OR6N1: variants seen among roughly 807,000 people sequenced by gnomAD.
OR6N1 encodes the protein olfactory receptor family 6 subfamily N member 1.
For missense variants in OR6N1, 394 were observed against 371.7 expected (o/e 1.06, Z -0.49); for synonymous variants, 170 against 150.7 (o/e 1.13, Z -0.94).
the OR6N1 span, among the ~76,000 whole-genome samples, chr1:158,802,610 C>T: frequency 6.6e-6 from 1 of 152,108 alleles, no homozygotes; most frequent in Non-Finnish European, 1.5e-5. Context: ...CACCACATCA[C>T]CATATTATCA....
chr1:158,828,495 C>T, the OR6N1 span, among the ~76,000 whole-genome samples: 1 of 152,218 alleles, frequency 6.6e-6, no homozygotes, highest in Admixed American at 6.5e-5. Context: ...TCTCCTTTGA[C>T]TCTCTCTCAC....
chr1:158,796,877 A>AT, the OR6N1 span, among the ~76,000 whole-genome samples: 1 of 141,058 alleles, frequency 7.1e-6, no homozygotes, highest in South Asian at 2.3e-4. Context: ...TTTACAACTT[A>AT]CCTTTTTTTT....
At chr1:158,831,126 A>AGGAGTTT in the OR6N1 span, among the ~76,000 whole-genome samples, 1 of 152,210 alleles carries the variant, frequency 6.6e-6, no homozygotes, top group Non-Finnish European at 1.5e-5. Flanking sequence ...TAGCTTTATA[A>AGGAGTTT]GAAAGTTCTG....
At chr1:158,770,883 G>A (rs1159888917) in intron 1 of OR6N1, among the ~76,000 whole-genome samples, 1 of 152,132 alleles carries the variant, frequency 6.6e-6, no homozygotes, top group African/African-American at 2.4e-5. Flanking sequence ...TTTTTGAAAT[G>A]TTTTAGTTTA....
chr1:158,780,552 A>G, the OR6N1 span, among the ~76,000 whole-genome samples: 1 of 152,182 alleles, frequency 6.6e-6, no homozygotes, highest in Non-Finnish European at 1.5e-5. Flanking sequence ...AATATACCCA[A>G]ACATCATATG....
upstream of OR6N1, among the ~76,000 whole-genome samples, chr1:158,773,408 A>G (rs566883266): frequency 2.0e-5 from 3 of 152,286 alleles, no homozygotes; most frequent in South Asian, 4.2e-4. Context: ...TAAATTTTCC[A>G]CATCTGTCAG....
chr1:158,776,011 G>A (rs1291500598), upstream of OR6N1: 1 of 152,120 alleles, frequency 6.6e-6, no homozygotes, highest in Admixed American at 6.5e-5. Flanking sequence ...AATTTAAGAG[G>A]CCTTGTGATA....
At chr1:158,776,889 G>A (rs901674091), upstream of OR6N1, 1 of 1,614,150 alleles carries the variant, frequency 6.2e-7, no homozygotes, top group Non-Finnish European at 8.5e-7. Context: ...CAAAGAAGAT[G>A]AGGACCACAG....
the OR6N1 span, among the ~76,000 whole-genome samples, chr1:158,801,901 T>C: frequency 6.6e-6 from 1 of 152,170 alleles, no homozygotes; most frequent in Admixed American, 6.5e-5. Flanking sequence ...TTGATGACAT[T>C]AGAATTTACA....
At chr1:158,801,076 C>T in the OR6N1 span, among the ~76,000 whole-genome samples, 1 of 152,128 alleles carries the variant, frequency 6.6e-6, no homozygotes, top group Non-Finnish European at 1.5e-5. Context: ...CACCACTTTT[C>T]ATGACCTCCC....
chr1:158,765,778 C>T lies in OR6N1; in HGVS notation c.905G>A (p.Arg302Lys), dbSNP rs147892949. 1 of 1,614,032 alleles carries T rather than the reference C, an allele frequency of 6.2e-7. No homozygotes were observed. Among genetic ancestry groups the T allele is most frequent in the Non-Finnish European group, 8.5e-7 (1 of 1,179,886 alleles). Reference protein sequence around the residue: ...LRNKEIKEAVRRQLKRIGILA With the variant: ...LRNKEIKEAVKRQLKRIGILA ...TATCCCAATTCTCTTTAGCTGCCTC[C>T]TCACAGCCTCCTTGATCTCCTTGTT... The change falls in exon 2 of 2, where the codon AGG becomes AAG. Residue 302 changes from arginine to lysine, a missense_variant. Arg to Lys is a conservative substitution (Grantham distance 26, BLOSUM62 2). Transcript: ENST00000641846.
At chr1:158,835,853 A>C in the OR6N1 span, among the ~76,000 whole-genome samples, 1 of 151,808 alleles carries the variant, frequency 6.6e-6, no homozygotes, top group Non-Finnish European at 1.5e-5. Flanking sequence ...AATTTTGTCA[A>C]ATGCTTTATT....
the OR6N1 span, among the ~76,000 whole-genome samples, chr1:158,827,484 AT>A: frequency 6.6e-6 from 1 of 152,176 alleles, no homozygotes; most frequent in African/African-American, 2.4e-5. Flanking sequence ...TTGATAACTA[AT>A]ACTTGAGATG....
chr1:158,777,387 A>G, the OR6N1 span: 2 of 1,614,200 alleles, frequency 1.2e-6, no homozygotes, highest in Admixed American at 3.3e-5. Flanking sequence ...TGAGAATATT[A>G]GACAACATCT....
In OR6N1 at chr1:158,765,803, T is replaced by C; in HGVS notation, c.880A>G (p.Asn294Asp). 2 of 1,614,210 alleles carry C rather than the reference T, an allele frequency of 1.2e-6. No individual in the cohort carries two copies. The highest frequency in any genetic ancestry group is 1.7e-6 in the Non-Finnish European group (2 of 1,180,026). ...FLNPFIYSLR[N>D]KEIKEAVRRQ... ...CTCACAGCCTCCTTGATCTCCTTGT[T>C]GCGCAAGCTGTAGATGAAGGGGTTG... Residue 294 changes from asparagine to aspartate, a missense_variant, in exon 2 of 2, where the codon AAC becomes GAC. Physicochemically the swap from Asn to Asp is conservative, Grantham distance 23 (BLOSUM62 1). Coordinates refer to ENST00000641846, the MANE Select transcript of OR6N1 (RefSeq NM_001005185.2).
At chr1:158,837,179 GGCTTTACT>G in the OR6N1 span, among the ~76,000 whole-genome samples, 1 of 151,770 alleles carries the variant, frequency 6.6e-6, no homozygotes, top group East Asian at 1.9e-4. Context: ...TACTGTTGTT[GGCTTTACT>G]GTTTTGGATA....
the OR6N1 span, among the ~76,000 whole-genome samples, chr1:158,794,863 A>G: frequency 6.6e-6 from 1 of 152,210 alleles, no homozygotes; most frequent in African/African-American, 2.4e-5. Context: ...AAAGAACATC[A>G]GCTGCAGTAA....
the OR6N1 span, among the ~76,000 whole-genome samples, chr1:158,801,260 G>A: frequency 6.6e-6 from 1 of 151,794 alleles, no homozygotes; most frequent in Non-Finnish European, 1.5e-5. Context: ...GAGAGAGTGG[G>A]TTGGCTCCTT....
chr1:158,764,907 T>G lies in OR6N1; in HGVS notation c.*837A>C, dbSNP rs2102004901. The G allele has an allele frequency of 6.6e-6, 1 of 152,180 alleles. No homozygotes were observed. Among genetic ancestry groups the G allele is most frequent in the Non-Finnish European group, 1.5e-5 (1 of 67,964 alleles). 9.4% of individuals were successfully genotyped at this position (152,180 alleles called of 1,614,324 possible). Reference sequence around the variant, plus strand: ...ACAGAACTGTGACAAACTATACTTTTCAAGTATAGTATACTTGTATACTAT... The same window carrying G: ...ACAGAACTGTGACAAACTATACTTTGCAAGTATAGTATACTTGTATACTAT... On this transcript the variant is annotated 3_prime_UTR_variant, in exon 2 of 2. Transcript: ENST00000641846.
Sources: gnomAD v4.1 joint callset for allele counts (sites outside exome capture counted in the v4.1 genomes callset) on GRCh38, gnomAD v4.1.1 for gene constraint, MANE v1.5 for transcripts, NCBI Gene and HGNC (gene_info 2026-07-23, HGNC 2026-07-21) for gene names.